ITGA4: variants seen among roughly 807,000 people sequenced by gnomAD.
ITGA4 encodes integrin subunit alpha 4, also known as integrin alpha-4.
Under a neutral mutation model 133.6 loss-of-function variants are expected in ITGA4, and 63 were observed. That is an observed-to-expected ratio of 0.47 (90% confidence interval 0.38 to 0.58). The LOEUF (loss-of-function observed/expected upper bound fraction) is 0.58. ITGA4 is among the 20% of genes least tolerant of loss of function. ITGA4 has a pLI of 0.00. For missense variants in ITGA4, 1,076 were observed against 1,252.7 expected, an observed-to-expected ratio of 0.86 and a Z score of 2.13; for synonymous variants, 483 against 438.0, an observed-to-expected ratio of 1.10 and a Z score of -1.28.
chr2:181,483,101 C>A (rs1248516516), intron 9 of ITGA4, among the ~76,000 whole-genome samples: 2 of 151,970 alleles, frequency 1.3e-5, no homozygotes, highest in Non-Finnish European at 2.9e-5. Flanking sequence ...CAATTAGAAA[C>A]AAGATGTGTT....
Position 181,498,648 on chromosome 2 carries a change from T to C in ITGA4, c.1566T>C (p.Asp522=), listed in dbSNP as rs750800812. Residue 522 remains aspartate (D), a synonymous_variant, in exon 15 of 28, where the codon GAT becomes GAC. Coordinates refer to ENST00000397033, the MANE Select transcript of ITGA4 (RefSeq NM_000885.6). ...TTTTGTTTTATAACATGAGTTTGGATGTGAACAGAAAGGCAGAGTCTCCAC... is the reference window on the plus strand; with the variant it reads ...TTTTGTTTTATAACATGAGTTTGGACGTGAACAGAAAGGCAGAGTCTCCAC... The part of the protein sequence containing the change: ...YIVLFYNMSL[D]VNRKAESPPR... 6.2e-7 allele frequency: 1 copy of C among 1,609,778 alleles called. No individual in the cohort carries two copies. Among genetic ancestry groups the C allele is most frequent in the South Asian group, 1.1e-5 (1 of 90,400 alleles).
At chr2:181,506,427 C>A (rs1385226503) in intron 15 of ITGA4, among the ~76,000 whole-genome samples, 4 of 151,990 alleles carry the variant, frequency 2.6e-5, no homozygotes, top group Non-Finnish European at 4.4e-5. Flanking sequence ...CATAACTAAG[C>A]CATAGACAAA....
intron 25 of ITGA4, among the ~76,000 whole-genome samples, chr2:181,533,456 T>C (rs1686987410): frequency 6.6e-6 from 1 of 152,168 alleles, no homozygotes; most frequent in South Asian, 2.1e-4. Flanking sequence ...TGGCCATAAT[T>C]GGCATTTTGA....
chr2:181,484,279 G>A (rs1489734924), intron 9 of ITGA4, among the ~76,000 whole-genome samples: 1 of 152,178 alleles, frequency 6.6e-6, no homozygotes, highest in Non-Finnish European at 1.5e-5. Flanking sequence ...TGATACTTGA[G>A]TGACTGGCTT....
chr2:181,498,572 A>G (rs781013525), intron 14 of ITGA4, 51 bp from the exon 15 acceptor site: 38 of 1,154,196 alleles, frequency 3.3e-5, no homozygotes, highest in Non-Finnish European at 4.7e-5. Context: ...AAAAATAACA[A>G]TAGATGTATT....
At chr2:181,525,168 G>T in intron 20 of ITGA4, 34 bp from the exon 21 acceptor site, 2 of 1,224,608 alleles carry the variant, frequency 1.6e-6, no homozygotes, top group Non-Finnish European at 2.4e-6. Flanking sequence ...TTTCTGCTTG[G>T]TGAATTCTAA....
At chr2:181,513,038 CTT>C (rs1686535545) in intron 17 of ITGA4, among the ~76,000 whole-genome samples, 2 of 152,058 alleles carry the variant, frequency 1.3e-5, no homozygotes, top group South Asian at 4.1e-4. Flanking sequence ...TTCACTTCCT[CTT>C]TTGAATGTCT....
Position 181,537,262 on chromosome 2 carries a change from C to T in ITGA4, c.*1735C>T, listed in dbSNP as rs201701544. 3.1e-5 allele frequency: 14 copies of T among 453,510 alleles called. No individual in the cohort carries two copies. Among genetic ancestry groups the T allele is most frequent in the South Asian group, 1.6e-4 (10 of 64,438 alleles). The allele number at this position is 453,510 out of a possible 1,614,324, so 28.1% of individuals were successfully genotyped here. A position where few individuals can be genotyped will look rare whatever the true frequency, so the allele number is the denominator to read the frequency against. On this transcript the variant is annotated 3_prime_UTR_variant, in exon 28 of 28. Transcript: ENST00000397033. ...AAGGAAATTTACATTTGGTTCTTTC[C>T]TACTCAGAACTACTCAGAAACAACT... is the stretch of plus-strand genomic sequence containing the variant.
intron 2 of ITGA4, among the ~76,000 whole-genome samples, chr2:181,472,291 G>A (rs1446857651): frequency 6.6e-6 from 1 of 152,060 alleles, no homozygotes; most frequent in Non-Finnish European, 1.5e-5. Flanking sequence ...TAATTTTTTG[G>A]CCATTTTCAT....
chr2:181,535,004 C>A, intron 27 of ITGA4, 69 bp downstream of exon 27: 1 of 1,461,260 alleles, frequency 6.8e-7, no homozygotes, highest in Non-Finnish European at 9.1e-7. Flanking sequence ...ATTTGACTTC[C>A]AAGTTATTAG....
intron 25 of ITGA4, among the ~76,000 whole-genome samples, chr2:181,533,487 G>T (rs954811393): frequency 6.6e-6 from 1 of 152,004 alleles, no homozygotes; most frequent in African/African-American, 2.4e-5. Context: ...TTTGTTTTGG[G>T]GGGTTGTCCT....
chr2:181,495,638 G>A lies in ITGA4; in HGVS notation c.1386-145G>A. ...TTTAAATAAAAAGTTATTTTGCCCT[G>A]TGCACAGAAATGTAATTAGTATGTA... On this transcript the variant is annotated intron_variant, in intron 13 of 27. Coordinates refer to ENST00000397033, the MANE Select transcript of ITGA4 (RefSeq NM_000885.6). The surrounding 1 kb of genome is among the most constrained non-coding windows in gnomAD (Gnocchi z 4.3). 1.4e-6 allele frequency: 1 copy of A among 727,360 alleles called. No homozygotes were observed. The highest frequency in any genetic ancestry group is 2.2e-6 in the Non-Finnish European group (1 of 445,184). 45.1% of individuals were successfully genotyped at this position (727,360 alleles called of 1,614,324 possible).
chr2:181,495,221 G>C lies in ITGA4; in HGVS notation c.1340-150G>C. On this transcript the variant is annotated intron_variant, in intron 12 of 27. Coordinates refer to ENST00000397033, the MANE Select transcript of ITGA4 (RefSeq NM_000885.6). The surrounding 1 kb of genome is among the most constrained non-coding windows in gnomAD (Gnocchi z 4.3). ...GAATAGATTCAGAGAAAAGTGGAAA[G>C]AATCGTAAGATGTTAGCATATATTC... 1 of 607,274 alleles carries C rather than the reference G, an allele frequency of 1.6e-6. No individual in the cohort carries two copies. The highest frequency in any genetic ancestry group is 2.2e-5 in the South Asian group (1 of 46,400). The allele number at this position is 607,274 out of a possible 1,614,324, so 37.6% of individuals were successfully genotyped here. A position where few individuals can be genotyped will look rare whatever the true frequency, so the allele number is the denominator to read the frequency against.
intron 17 of ITGA4, among the ~76,000 whole-genome samples, chr2:181,517,865 G>A (rs937562363): frequency 6.6e-6 from 1 of 152,046 alleles, no homozygotes; most frequent in Non-Finnish European, 1.5e-5. Flanking sequence ...TCTGTTGCTT[G>A]TCTAAGTGCC....
intron 11 of ITGA4, 106 bp downstream of exon 11, chr2:181,493,525 C>A: frequency 1.7e-6 from 1 of 604,202 alleles, no homozygotes; most frequent in Non-Finnish European, 2.9e-6. Context: ...CATTCAAATA[C>A]TTAACACTTT....
At chr2:181,527,646 G>C (rs942858641) in intron 22 of ITGA4, among the ~76,000 whole-genome samples, 12 of 152,220 alleles carry the variant, frequency 7.9e-5, no homozygotes, top group Admixed American at 6.5e-5. Context: ...GATAATGCCT[G>C]AAACAGGCAA....
At chr2:181,476,295 T>A (rs966327370) in intron 4 of ITGA4, 1 of 152,842 alleles carries the variant, frequency 6.5e-6, no homozygotes, top group Non-Finnish European at 1.5e-5. Flanking sequence ...TTTTAGTTTT[T>A]CTCGGATATA....
intron 16 of ITGA4, 70 bp downstream of exon 16, chr2:181,509,877 C>T: frequency 8.8e-7 from 1 of 1,141,944 alleles, no homozygotes; most frequent in East Asian, 2.4e-5. Context: ...TGGCATAATT[C>T]TGAAGAAGTG....
In ITGA4 at chr2:181,523,213, T is replaced by C. The variant is rs1686755765; in HGVS notation, c.2074-224T>C. The stretch of plus-strand genomic sequence containing the variant: ...ACACATATATATACACACACATATA[T>C]ACACACATATATACATACATATATA... On this transcript the variant is annotated intron_variant, in intron 18 of 27. Coordinates refer to ENST00000397033, the MANE Select transcript of ITGA4 (RefSeq NM_000885.6). This position sits in a 1 kb window ranked among gnomAD's most constrained non-coding sequence, Gnocchi z 4.2. The C allele has an allele frequency of 5.3e-6, 2 of 378,418 alleles. No homozygotes were observed. Among genetic ancestry groups the C allele is most frequent in the East Asian group, 9.1e-5 (2 of 21,878 alleles). The allele number at this position is 378,418 out of a possible 1,614,324, so 23.4% of individuals were successfully genotyped here. A position where few individuals can be genotyped will look rare whatever the true frequency, so the allele number is the denominator to read the frequency against.
Sources: allele counts gnomAD v4.1 joint callset (sites outside exome capture counted in the v4.1 genomes callset), GRCh38; gene constraint gnomAD v4.1.1; non-coding constraint Gnocchi (gnomAD v3.1); transcripts MANE v1.5; gene names NCBI Gene and HGNC (gene_info 2026-07-23, HGNC 2026-07-21).